RAB28: variants seen among roughly 807,000 people sequenced by gnomAD.
RAB28 encodes RAB28, member RAS oncogene family.
Under a neutral mutation model 31.7 loss-of-function variants are expected in RAB28, and 24 were observed. That is an observed-to-expected ratio of 0.76 (90% CI 0.55 to 1.06). The LOEUF is 1.06. RAB28 is among the 50% of genes least tolerant of loss of function. The pLI is 0.00. For missense variants in RAB28, 254 were observed against 258.5 expected (o/e 0.98, Z 0.12); for synonymous variants, 100 against 90.4 (o/e 1.11, Z -0.60).
chr4:13,393,642 C>T (rs964764570), intron 4 of RAB28, among the ~76,000 whole-genome samples: 3 of 151,772 alleles, frequency 2.0e-5, no homozygotes, highest in African/African-American at 4.8e-5. Context: ...AAATGTTACC[C>T]TCCTATAGGT....
chr4:13,479,322 A>G (rs1303992659), intron 2 of RAB28, 108 bp downstream of exon 2: 1 of 711,646 alleles, frequency 1.4e-6, no homozygotes, highest in East Asian at 2.7e-5. Flanking sequence ...CTGTTTATAT[A>G]CATCTTCATG....
chr4:13,452,469 C>A (rs1715023721), intron 4 of RAB28, among the ~76,000 whole-genome samples: 1 of 151,742 alleles, frequency 6.6e-6, no homozygotes, highest in African/African-American at 2.4e-5. Flanking sequence ...ATATTGTGTT[C>A]CTACTTTCAT....
intron 4 of RAB28, among the ~76,000 whole-genome samples, chr4:13,391,550 A>G (rs1369844757): frequency 6.6e-6 from 1 of 152,208 alleles, no homozygotes; most frequent in Non-Finnish European, 1.5e-5. Context: ...TGATCCCACT[A>G]CTGGCTATAT....
chr4:13,431,193 G>C (rs886826855), intron 4 of RAB28, among the ~76,000 whole-genome samples: 10 of 152,202 alleles, frequency 6.6e-5, no homozygotes, highest in African/African-American at 2.2e-4. Flanking sequence ...TGGGAAAAGA[G>C]GCTCTGCCTC....
At chr4:13,389,184 G>C (rs1261142593) in intron 4 of RAB28, among the ~76,000 whole-genome samples, 1 of 152,102 alleles carries the variant, frequency 6.6e-6, no homozygotes, top group African/African-American at 2.4e-5. Flanking sequence ...AGCGCATTAC[G>C]TTAAGTGAAA....
intron 4 of RAB28, among the ~76,000 whole-genome samples, chr4:13,390,056 G>A (rs578183822): frequency 2.6e-5 from 4 of 152,206 alleles, no homozygotes; most frequent in Admixed American, 6.5e-5. Flanking sequence ...AGTTCCGGCC[G>A]AGCAACCAGG....
intron 4 of RAB28, among the ~76,000 whole-genome samples, chr4:13,399,313 T>A (rs188019251): frequency 2.6e-5 from 4 of 152,356 alleles, no homozygotes; most frequent in Admixed American, 6.5e-5. Flanking sequence ...ACATACCTTT[T>A]TATAAGTCTA....
intron 6 of RAB28, chr4:13,369,870 C>T: frequency 6.2e-7 from 1 of 1,604,082 alleles, no homozygotes. Context: ...TCACTTAATA[C>T]CTGCACTACT....
chr4:13,387,387 C>T (rs1240239222), intron 4 of RAB28, among the ~76,000 whole-genome samples: 2 of 151,934 alleles, frequency 1.3e-5, no homozygotes, highest in African/African-American at 2.4e-5. Flanking sequence ...AATTGTGAAG[C>T]CTATTTTACA....
intron 4 of RAB28, among the ~76,000 whole-genome samples, chr4:13,416,596 C>G (rs1712794234): frequency 6.6e-6 from 1 of 152,086 alleles, no homozygotes; most frequent in African/African-American, 2.4e-5. Context: ...ATATGAAATT[C>G]TAGAACAGGC....
chr4:13,438,750 G>C (rs1339515700), intron 4 of RAB28, among the ~76,000 whole-genome samples: 1 of 151,984 alleles, frequency 6.6e-6, no homozygotes, highest in African/African-American at 2.4e-5. Flanking sequence ...TTTTTGTGTG[G>C]GCATACATTT....
At position 13,381,498 on chromosome 4, in the gene RAB28, C is replaced by G; in HGVS notation, c.488G>C (p.Gly163Ala). The change falls in exon 5 of 7, where the codon GGA (glycine) becomes GCA (alanine). Residue 163 changes from glycine (G) to alanine (A), a missense_variant. Transcript: ENST00000330852. Reference sequence around the variant, plus strand: ...ATTCATTATTTTACTTACAGAGTCTCCTGTCTTGGCTGAGACAAAGTGGCT... The same window carrying G: ...ATTCATTATTTTACTTACAGAGTCTGCTGTCTTGGCTGAGACAAAGTGGCT... Reference protein sequence around the residue: ...FSSHFVSAKTGDSVFLCFQKV... With the variant: ...FSSHFVSAKTADSVFLCFQKV... The G allele has an allele frequency of 6.2e-7, 1 of 1,604,754 alleles. No homozygotes were observed.
chr4:13,458,660 T>C (rs967258062), intron 4 of RAB28, among the ~76,000 whole-genome samples: 1 of 152,210 alleles, frequency 6.6e-6, no homozygotes, highest in Non-Finnish European at 1.5e-5. Flanking sequence ...GCTACATATA[T>C]GATGGTGGTC....
intron 4 of RAB28, among the ~76,000 whole-genome samples, chr4:13,389,992 C>T (rs1729554300): frequency 6.6e-6 from 1 of 152,182 alleles, no homozygotes; most frequent in Non-Finnish European, 1.5e-5. Flanking sequence ...CCTTTGAAAA[C>T]TGGCACAAGA....
intron 4 of RAB28, among the ~76,000 whole-genome samples, chr4:13,436,400 A>C (rs1258015514): frequency 6.6e-6 from 1 of 152,174 alleles, no homozygotes; most frequent in African/African-American, 2.4e-5. Context: ...CAAATCAGTA[A>C]AGAGGAAGTC....
intron 4 of RAB28, among the ~76,000 whole-genome samples, chr4:13,435,744 C>T (rs1344345122): frequency 3.3e-5 from 5 of 152,036 alleles, no homozygotes; most frequent in Non-Finnish European, 7.4e-5. Flanking sequence ...ATATATTAAA[C>T]AAATACTGCC....
chr4:13,448,983 T>A (rs1406508986), intron 4 of RAB28, among the ~76,000 whole-genome samples: 4 of 151,994 alleles, frequency 2.6e-5, no homozygotes, highest in African/African-American at 9.6e-5. Flanking sequence ...TTGGTTCTGA[T>A]ACTTTGGGAT....
intron 4 of RAB28, among the ~76,000 whole-genome samples, chr4:13,452,338 A>G (rs1286974468): frequency 5.3e-5 from 8 of 151,504 alleles, no homozygotes; most frequent in Non-Finnish European, 8.9e-5. Flanking sequence ...TTGTCCTTGC[A>G]TTCTATTTCC....
intron 5 of RAB28, among the ~76,000 whole-genome samples, chr4:13,379,351 G>T (rs1435787045): frequency 6.6e-6 from 1 of 151,980 alleles, no homozygotes; most frequent in Non-Finnish European, 1.5e-5. Context: ...GCATGCCTCT[G>T]TGTTTTTCTC....
Sources: allele counts gnomAD v4.1 joint callset (sites outside exome capture counted in the v4.1 genomes callset), GRCh38; gene constraint gnomAD v4.1.1; transcripts MANE v1.5; gene names NCBI Gene and HGNC (gene_info 2026-07-23, HGNC 2026-07-21).